The following FHIT variants were observed in gnomAD, a reference collection of about 807,000 sequenced individuals.
FHIT encodes bis(5'-adenosyl)-triphosphatase.
In FHIT, 19 loss-of-function variants were observed where a neutral mutation model predicts 17.9. That is an observed-to-expected ratio of 1.06 (90% CI 0.74 to 1.56). The LOEUF is 1.56. Among genes scored for constraint, FHIT ranks in the 40% most tolerant of loss-of-function variants. The pLI is 0.00. For synonymous variants in FHIT, 81 were observed against 69.7 expected, an observed-to-expected ratio of 1.16 and a Z score of -0.81; for missense variants, 248 against 189.2, an observed-to-expected ratio of 1.31 and a Z score of -1.82.
chr3:60,777,765 T>C (rs1700257085), intron 4 of FHIT, among the ~76,000 whole-genome samples: 1 of 152,220 alleles, frequency 6.6e-6, no homozygotes, highest in African/African-American at 2.4e-5. Context: ...AGTCACGATA[T>C]ACAGGGTTAA....
At position 60,854,717 on chromosome 3, in the gene FHIT, G is replaced by C. The variant is rs112040564; in HGVS notation, c.-110-32706C>G. Among the ~76,000 whole-genome samples the C allele has an allele frequency of 4.5e-4, 69 of 152,200 alleles. 1 individual carries two copies. Among genetic ancestry groups the C allele is most frequent in the Middle Eastern group, 3.4e-3 (1 of 294 alleles). On this transcript the variant is annotated intron_variant, in intron 3 of 9. Transcript: ENST00000492590. The stretch of plus-strand genomic sequence containing the variant: ...CAGCCAAGTCAGTCTCTTTCTAAAA[G>C]CTTTCCAGAAAGTTCCATCCAGTGA...
intron 5 of FHIT, among the ~76,000 whole-genome samples, chr3:60,383,175 T>C (rs1013885539): frequency 3.9e-5 from 6 of 152,186 alleles, no homozygotes; most frequent in Non-Finnish European, 8.8e-5. Flanking sequence ...GGAGTTTCTT[T>C]TGCGCTTACT....
chr3:60,963,993 T>C (rs187115136), intron 3 of FHIT, among the ~76,000 whole-genome samples: 94 of 152,282 alleles, frequency 6.2e-4, no homozygotes, highest in Non-Finnish European at 1.1e-3. Flanking sequence ...CATTGTTAAC[T>C]TTCTGTCTCA....
At chr3:61,050,856 T>C (rs1383079032) in intron 2 of FHIT, among the ~76,000 whole-genome samples, 2 of 152,222 alleles carry the variant, frequency 1.3e-5, no homozygotes, top group African/African-American at 4.8e-5. Flanking sequence ...TGGGAGAAAC[T>C]GGGCAGATCA....
intron 3 of FHIT, among the ~76,000 whole-genome samples, chr3:61,019,071 T>C (rs1324560675): frequency 6.6e-6 from 1 of 152,188 alleles, no homozygotes; most frequent in African/African-American, 2.4e-5. Context: ...TTTTACACAG[T>C]AGAAAAAATT....
chr3:60,212,366 AT>A (rs1319690553), intron 5 of FHIT, among the ~76,000 whole-genome samples: 1 of 152,186 alleles, frequency 6.6e-6, no homozygotes, highest in African/African-American at 2.4e-5. Context: ...ACAACTTAGT[AT>A]AAAAACGTTA....
intron 5 of FHIT, among the ~76,000 whole-genome samples, chr3:60,036,041 A>G (rs911807961): frequency 1.3e-5 from 2 of 152,224 alleles, no homozygotes; most frequent in African/African-American, 4.8e-5. Context: ...GAACCATCCC[A>G]AGGGGAAGAG....
At chr3:59,871,136 C>A (rs1702903553) in intron 8 of FHIT, among the ~76,000 whole-genome samples, 1 of 152,126 alleles carries the variant, frequency 6.6e-6, no homozygotes, top group African/African-American at 2.4e-5. Context: ...CCTCCAGCGA[C>A]ATTTTGAATG....
intron 3 of FHIT, among the ~76,000 whole-genome samples, chr3:61,033,126 C>A (rs536496355): frequency 6.6e-5 from 10 of 152,326 alleles, no homozygotes; most frequent in African/African-American, 2.2e-4. Context: ...GATTCACATG[C>A]TAATCTCTTC....
At chr3:60,134,664 C>G (rs1451868177) in intron 5 of FHIT, among the ~76,000 whole-genome samples, 1 of 152,210 alleles carries the variant, frequency 6.6e-6, no homozygotes, top group Non-Finnish European at 1.5e-5. Flanking sequence ...TGTTCAGTCT[C>G]TCTTGCCAGC....
intron 1 of FHIT, among the ~76,000 whole-genome samples, chr3:61,243,491 T>C (rs1269562664): frequency 6.6e-6 from 1 of 152,176 alleles, no homozygotes; most frequent in Non-Finnish European, 1.5e-5. Flanking sequence ...TGACAGAGGA[T>C]GGGGGTAGGA....
chr3:59,875,389 T>G (rs1244778511), intron 8 of FHIT, among the ~76,000 whole-genome samples: 1 of 152,176 alleles, frequency 6.6e-6, no homozygotes, highest in African/African-American at 2.4e-5. Context: ...CATCATCATT[T>G]GGGAAGGCCA....
chr3:60,195,628 A>AT (rs1702606430), intron 5 of FHIT, among the ~76,000 whole-genome samples: 1 of 144,296 alleles, frequency 6.9e-6, no homozygotes, highest in Admixed American at 7.1e-5. Flanking sequence ...TATATATATT[A>AT]ATATACATAT....
chr3:60,926,293 T>G (rs7611169), intron 3 of FHIT, among the ~76,000 whole-genome samples: 47,867 of 151,952 alleles, frequency 0.32, 8,148 homozygotes, highest in African/African-American at 0.44. Flanking sequence ...CAAAATTGAC[T>G]ACATAGTTGG....
At chr3:59,898,423 T>C (rs1022884047) in intron 8 of FHIT, among the ~76,000 whole-genome samples, 1 of 150,542 alleles carries the variant, frequency 6.6e-6, no homozygotes, top group Non-Finnish European at 1.5e-5. Flanking sequence ...TATTTGTATA[T>C]ATGTGTGCGT....
At chr3:60,402,530 G>A (rs1701703089) in intron 5 of FHIT, among the ~76,000 whole-genome samples, 1 of 152,106 alleles carries the variant, frequency 6.6e-6, no homozygotes, top group South Asian at 2.1e-4. Flanking sequence ...TATATTGACT[G>A]AGATAGGAAA....
intron 5 of FHIT, among the ~76,000 whole-genome samples, chr3:60,106,819 T>C (rs1174595052): frequency 1.3e-5 from 2 of 152,194 alleles, no homozygotes; most frequent in African/African-American, 4.8e-5. Context: ...ACCTTGAGGA[T>C]AGAATCCAGC....
intron 5 of FHIT, among the ~76,000 whole-genome samples, chr3:60,384,625 A>G (rs989387460): frequency 3.3e-5 from 5 of 152,180 alleles, no homozygotes; most frequent in Non-Finnish European, 7.3e-5. Context: ...ACGTGCAAGG[A>G]TAAGGCAGGC....
In FHIT at chr3:60,325,852, T is replaced by C. The variant is rs567994806; in HGVS notation, c.103+211008A>G. ...GGATAATCATGTTATGTTATGCTTT[T>C]ATTGAATGCACTTACATTTTGGACT... On this transcript the variant is annotated intron_variant, in intron 5 of 9. Coordinates refer to ENST00000492590, the MANE Select transcript of FHIT (RefSeq NM_002012.4). 5.9e-5 allele frequency among the ~76,000 whole-genome samples: 9 copies of C among 152,350 alleles called. No individual in the cohort carries two copies. The East Asian group carries it at 1.5e-3, about 26-fold the overall frequency.
Sources: gnomAD v4.1 joint callset for allele counts (sites outside exome capture counted in the v4.1 genomes callset) on GRCh38, gnomAD v4.1.1 for gene constraint, MANE v1.5 for transcripts, NCBI Gene and HGNC (gene_info 2026-07-23, HGNC 2026-07-21) for gene names.